SATB1: variants seen among roughly 807,000 people sequenced by gnomAD.
SATB1 encodes DNA-binding protein SATB1.
A neutral mutation model predicts 86.9 loss-of-function variants in SATB1; 11 were observed. That is an observed-to-expected ratio of 0.13 (90% CI 0.08 to 0.21). SATB1 has a LOEUF of 0.21. Among genes scored for constraint, SATB1 ranks in the 10% least tolerant of loss-of-function variants. The probability of loss-of-function intolerance (pLI) is 1.00; values close to 1 mark genes in which losing one functional copy is unlikely to be tolerated. For synonymous variants in SATB1, 357 were observed against 357.2 expected (o/e 1.00, Z 0.01); for missense variants, 551 against 937.6 (o/e 0.59, Z 5.39).
rs1197262381 is a variant in SATB1, at chr3:18,397,298, A to T, written c.640-8T>A. On this transcript the variant is annotated splice_region_variant and splice_polypyrimidine_tract_variant and intron_variant, in intron 5 of 10. Coordinates refer to ENST00000338745, the MANE Select transcript of SATB1 (RefSeq NM_002971.6). The stretch of plus-strand genomic sequence containing the variant: ...AATGGAAGAAATCATACTCTGCATG[A>T]AGAAGGGGGGAGAATATTTGTAATA... 1 of 1,450,528 alleles carries T rather than the reference A, an allele frequency of 6.9e-7. No homozygotes were observed. Among genetic ancestry groups the T allele is most frequent in the Admixed American group, 1.7e-5 (1 of 59,812 alleles). The allele number at this position is 1,450,528 out of a possible 1,614,324, so 89.9% of individuals were successfully genotyped here.
In SATB1 at chr3:18,365,311, T is replaced by C. The variant is rs577363419; in HGVS notation, c.1575+12859A>G. Among the ~76,000 whole-genome samples, 84 of 152,286 alleles carry C rather than the reference T, an allele frequency of 5.5e-4. 1 individual carries two copies. Among genetic ancestry groups the C allele is most frequent in the South Asian group, 4.3e-3 (21 of 4,828 alleles). ...GATTAGCAGAGTATCCTTTCAGAAATGTCTACCTGCCAGGAGAACACCAAC... is the reference window on the plus strand; with the variant it reads ...GATTAGCAGAGTATCCTTTCAGAAACGTCTACCTGCCAGGAGAACACCAAC... On this transcript the variant is annotated intron_variant, in intron 9 of 10. Coordinates refer to ENST00000338745, the MANE Select transcript of SATB1 (RefSeq NM_002971.6).
Position 18,386,547 on chromosome 3 carries a change from A to G in SATB1, c.1271T>C (p.Val424Ala). The stretch of plus-strand genomic sequence containing the variant: ...GAAATTCTGCATAGCCCGAAGGTTT[A>G]CCAGCAAAGACTGGGATGCAGTCTT... ...DPKTASQSLL[V>A]NLRAMQNFLQ... The change falls in exon 8 of 11, where the codon GTA becomes GCA. Residue 424 changes from valine (V) to alanine (A), a missense_variant. This residue lies in a region of SATB1 where 110 missense variants were observed against 212.2 expected (regional missense o/e 0.52). Transcript: ENST00000338745. This position sits in a 1 kb window ranked among gnomAD's most constrained non-coding sequence, Gnocchi z 4.5. The G allele has an allele frequency of 6.2e-7, 1 of 1,614,110 alleles. No individual in the cohort carries two copies. The highest frequency in any genetic ancestry group is 8.5e-7 in the Non-Finnish European group (1 of 1,180,006).
In SATB1 at chr3:18,351,628, G is replaced by A. The variant is rs561809797; in HGVS notation, c.1779+364C>T. The A allele has an allele frequency of 4.7e-4, 250 of 534,516 alleles. 2 individuals carry two copies. Among genetic ancestry groups the A allele is most frequent in the African/African-American group, 4.0e-3 (210 of 52,700 alleles). The allele number at this position is 534,516 out of a possible 1,614,324, so 33.1% of individuals were successfully genotyped here. On this transcript the variant is annotated intron_variant, in intron 10 of 10. Coordinates refer to ENST00000338745, the MANE Select transcript of SATB1 (RefSeq NM_002971.6). ...ACAGCGGTTGCTCTTTTCCTCAGGG[G>A]CACTGTGGTATTAATTAAAAAATAG... is the stretch of plus-strand genomic sequence containing the variant.
At chr3:18,380,948 G>C (rs1696023644) in intron 8 of SATB1, among the ~76,000 whole-genome samples, 1 of 152,094 alleles carries the variant, frequency 6.6e-6, no homozygotes, top group African/African-American at 2.4e-5. Flanking sequence ...GTTCATTCCA[G>C]GCAAAACAAA....
intron 9 of SATB1, among the ~76,000 whole-genome samples, chr3:18,361,084 T>A (rs991247035): frequency 6.6e-6 from 1 of 151,304 alleles, no homozygotes; most frequent in African/African-American, 2.5e-5. Flanking sequence ...TTTTGAACTG[T>A]CTATGACCCT....
chr3:18,428,994 C>T (rs1305505291), upstream of SATB1, among the ~76,000 whole-genome samples: 3 of 152,154 alleles, frequency 2.0e-5, no homozygotes, highest in African/African-American at 7.2e-5. Flanking sequence ...TTTCTAAGGA[C>T]ATGTTTTTTT....
rs1696842943 is a variant in SATB1, at chr3:18,394,332, G to T, written c.1206+130C>A. ...AAAATTGAGGCTCCACCAGGAATAGGTAATATGATCACATGAAGAGAGAGA... is the reference window on the plus strand; with the variant it reads ...AAAATTGAGGCTCCACCAGGAATAGTTAATATGATCACATGAAGAGAGAGA... On this transcript the variant is annotated intron_variant, in intron 7 of 10. Transcript: ENST00000338745. This position sits in a 1 kb window ranked among gnomAD's most constrained non-coding sequence, Gnocchi z 5.9. 1 of 767,664 alleles carries T rather than the reference G, an allele frequency of 1.3e-6. No individual in the cohort carries two copies. The highest frequency in any genetic ancestry group is 2.1e-6 in the Non-Finnish European group (1 of 470,434). 47.6% of individuals were successfully genotyped at this position (767,664 alleles called of 1,614,324 possible). A position where few individuals can be genotyped will look rare whatever the true frequency, so the allele number is the denominator to read the frequency against.
chr3:18,351,500 C>A, intron 10 of SATB1: 1 of 924,632 alleles, frequency 1.1e-6, no homozygotes, highest in South Asian at 1.6e-5. Context: ...GAAGGAAGGG[C>A]CAAGGACTGT....
Position 18,352,511 on chromosome 3 carries a change from C to T in SATB1, c.1576-316G>A, listed in dbSNP as rs1475085429. ...GGAGAAAAACAAAGTTGATGTGCTTCAGTCTTGCACAACTTTGCTATCTGA... is the reference window on the plus strand; with the variant it reads ...GGAGAAAAACAAAGTTGATGTGCTTTAGTCTTGCACAACTTTGCTATCTGA... On this transcript the variant is annotated intron_variant, in intron 9 of 10. Coordinates refer to ENST00000338745, the MANE Select transcript of SATB1 (RefSeq NM_002971.6). This position sits in a 1 kb window ranked among gnomAD's most constrained non-coding sequence, Gnocchi z 4.1. 3.8e-6 allele frequency: 1 copy of T among 260,738 alleles called. No homozygotes were observed. The highest frequency in any genetic ancestry group is 6.0e-5 in the South Asian group (1 of 16,728). The allele number at this position is 260,738 out of a possible 1,614,324, so 16.2% of individuals were successfully genotyped here. A position where few individuals can be genotyped will look rare whatever the true frequency, so the allele number is the denominator to read the frequency against.
chr3:18,390,461 C>G (rs1033849516), intron 7 of SATB1, among the ~76,000 whole-genome samples: 1 of 152,202 alleles, frequency 6.6e-6, no homozygotes, highest in Non-Finnish European at 1.5e-5. Context: ...ACACATTTAT[C>G]TCTGTCGTTT....
intron 9 of SATB1, among the ~76,000 whole-genome samples, chr3:18,373,504 C>G (rs1262482927): frequency 6.6e-6 from 1 of 152,160 alleles, no homozygotes; most frequent in Non-Finnish European, 1.5e-5. Flanking sequence ...CACTATAGAT[C>G]TATTTTCAGC....
At chr3:18,360,066 G>A (rs556427604) in intron 9 of SATB1, among the ~76,000 whole-genome samples, 1 of 152,130 alleles carries the variant, frequency 6.6e-6, no homozygotes, top group African/African-American at 2.4e-5. Context: ...TTAAGTTAGG[G>A]GAAAAGTAAG....
intron 7 of SATB1, among the ~76,000 whole-genome samples, chr3:18,393,989 AAAC>A (rs371402760): frequency 1.4e-4 from 12 of 88,196 alleles, no homozygotes; most frequent in South Asian, 2.9e-4. Flanking sequence ...TAACAACAAC[AAAC>A]AACAACAACA....
At position 18,431,030 on chromosome 3, in the gene SATB1, A is replaced by G. The variant is rs190565414; in HGVS notation, c.-25+5759T>C. ...TCATTGGGAACTTCATTGGAAAAAAATCTTTTAGCTACCTTTCCTTCCATG... is the reference window on the plus strand; with the variant it reads ...TCATTGGGAACTTCATTGGAAAAAAGTCTTTTAGCTACCTTTCCTTCCATG... On this transcript the variant is annotated intron_variant, in intron 2 of 3. Coordinates refer to the SATB1 transcript ENST00000414509. 1.5e-3 allele frequency among the ~76,000 whole-genome samples: 225 copies of G among 152,326 alleles called. 1 individual carries two copies. Among genetic ancestry groups the G allele is most frequent in the African/African-American group, 5.1e-3 (214 of 41,570 alleles).
chr3:18,382,774 C>A (rs571153755), intron 8 of SATB1, among the ~76,000 whole-genome samples: 2 of 152,320 alleles, frequency 1.3e-5, no homozygotes, highest in South Asian at 4.1e-4. Context: ...CCCATTCTAA[C>A]AAGAAAACCT....
upstream of SATB1, among the ~76,000 whole-genome samples, chr3:18,439,068 T>C (rs1258624043): frequency 1.3e-5 from 2 of 152,184 alleles, no homozygotes; most frequent in Non-Finnish European, 2.9e-5. Context: ...CACTGGAAAC[T>C]GAACCAACTC....
rs919122107 is a variant in SATB1, at chr3:18,347,753, T to A, written c.*1417A>T. ...TGTTAACCAAACAGGTTATTTTCAT[T>A]GTGAAATTTCATACCTATTTAAAAA... On this transcript the variant is annotated 3_prime_UTR_variant, in exon 11 of 11. Transcript: ENST00000338745. 1.1e-4 allele frequency: 16 copies of A among 152,350 alleles called. No individual in the cohort carries two copies. The highest frequency in any genetic ancestry group is 8.3e-4 in the South Asian group (4 of 4,830). The allele number at this position is 152,350 out of a possible 1,614,324, so 9.4% of individuals were successfully genotyped here.
chr3:18,389,268 T>TG (rs1696508224), intron 7 of SATB1, among the ~76,000 whole-genome samples: 1 of 151,276 alleles, frequency 6.6e-6, no homozygotes, highest in South Asian at 2.1e-4. Flanking sequence ...TGGGTTTTTT[T>TG]TTTTTTTTTT....
At chr3:18,363,159 T>A (rs1695004995) in intron 9 of SATB1, among the ~76,000 whole-genome samples, 1 of 152,152 alleles carries the variant, frequency 6.6e-6, no homozygotes, top group Middle Eastern at 3.4e-3. Flanking sequence ...TAACAAAAAA[T>A]TTTTAAAAGC....
Sources: gnomAD v4.1 joint callset for allele counts (sites outside exome capture counted in the v4.1 genomes callset) on GRCh38, gnomAD v4.1.1 for gene constraint, gnomAD v4.1.1 regional missense constraint, Gnocchi (gnomAD v3.1) non-coding constraint, MANE v1.5 for transcripts, NCBI Gene and HGNC (gene_info 2026-07-23, HGNC 2026-07-21) for gene names.